Variants in DNAJC1 observed in about 807,000 individuals in gnomAD.
DNAJC1 encodes the protein dnaJ homolog subfamily C member 1.
Under a neutral mutation model 76.6 loss-of-function variants are expected in DNAJC1, and 58 were observed. The observed-to-expected ratio is 0.76, with a 90% CI of 0.61 to 0.94. The LOEUF (loss-of-function observed/expected upper bound fraction) is 0.94. Ranked by LOEUF, DNAJC1 falls within the 40% of genes least tolerant of loss-of-function variation. DNAJC1 has a pLI of 0.00. For synonymous variants in DNAJC1, 258 were observed against 267.9 expected, an observed-to-expected ratio of 0.96 and a Z score of 0.36; for missense variants, 689 against 677.3, an observed-to-expected ratio of 1.02 and a Z score of -0.19.
chr10:21,947,572 C>T (rs956303238), intron 1 of DNAJC1, among the ~76,000 whole-genome samples: 3 of 152,078 alleles, frequency 2.0e-5, no homozygotes, highest in East Asian at 1.9e-4. Flanking sequence ...ATACATATAA[C>T]GTGTTAATTG....
chr10:21,890,601 G>A (rs1465324611), intron 7 of DNAJC1, among the ~76,000 whole-genome samples: 1 of 151,936 alleles, frequency 6.6e-6, no homozygotes, highest in East Asian at 1.9e-4. Flanking sequence ...AGGCAAGCAG[G>A]AATATCTATA....
intron 1 of DNAJC1, chr10:21,933,515 A>G (rs1837259350): frequency 6.6e-6 from 1 of 152,212 alleles, no homozygotes; most frequent in South Asian, 2.1e-4. Flanking sequence ...AGACTTGAGA[A>G]GGCTCTAAGT....
At chr10:21,964,780 G>A (rs1249223456) in intron 1 of DNAJC1, among the ~76,000 whole-genome samples, 19 of 150,894 alleles carry the variant, frequency 1.3e-4, no homozygotes, top group Admixed American at 1.3e-3. Flanking sequence ...TTTCTTGAAA[G>A]GCAGCTTCAC....
At chr10:21,928,653 G>T in intron 2 of DNAJC1, 101 bp from the exon 3 acceptor site, 2 of 880,428 alleles carry the variant, frequency 2.3e-6, no homozygotes, top group Non-Finnish European at 3.8e-6. Flanking sequence ...AATCCTATGT[G>T]CCTATATATA....
At chr10:21,838,732 G>A (rs1288552585) in intron 8 of DNAJC1, among the ~76,000 whole-genome samples, 1 of 152,148 alleles carries the variant, frequency 6.6e-6, no homozygotes, top group Non-Finnish European at 1.5e-5. Context: ...ATTGAACTCA[G>A]CTCTTCAACA....
Position 21,929,027 on chromosome 10 carries a change from A to G in DNAJC1, c.324+13T>C, listed in dbSNP as rs1340210012. ...TGTCACAAAATATATATATAATAGCATATTTCACTTACTTGTCTAAACTGA... is the reference window on the plus strand; with the variant it reads ...TGTCACAAAATATATATATAATAGCGTATTTCACTTACTTGTCTAAACTGA... On this transcript the variant is annotated intron_variant, in intron 2 of 11. Coordinates refer to ENST00000376980, the MANE Select transcript of DNAJC1 (RefSeq NM_022365.4). 12 of 1,501,228 alleles carry G rather than the reference A, an allele frequency of 8.0e-6. No homozygotes were observed. The highest frequency in any genetic ancestry group is 1.0e-5 in the Non-Finnish European group (11 of 1,086,432). 93.0% of individuals were successfully genotyped at this position (1,501,228 alleles called of 1,614,324 possible).
chr10:21,949,273 A>T (rs1837553746), intron 1 of DNAJC1, among the ~76,000 whole-genome samples: 1 of 152,118 alleles, frequency 6.6e-6, no homozygotes, highest in African/African-American at 2.4e-5. Flanking sequence ...GGTATAGTTT[A>T]TCGTTCTCTG....
intron 3 of DNAJC1, among the ~76,000 whole-genome samples, chr10:21,927,500 T>C (rs1564829698): frequency 6.6e-6 from 1 of 152,236 alleles, no homozygotes; most frequent in African/African-American, 2.4e-5. Context: ...TTTTGTTTTT[T>C]ACAGGTACTC....
intron 1 of DNAJC1, among the ~76,000 whole-genome samples, chr10:21,937,782 G>T (rs1331281855): frequency 1.3e-5 from 2 of 151,418 alleles, no homozygotes; most frequent in African/African-American, 2.5e-5. Flanking sequence ...CAACCATAAT[G>T]AAATGAAATC....
chr10:21,796,705 G>GT (rs1834754069), intron 9 of DNAJC1, among the ~76,000 whole-genome samples: 1 of 152,138 alleles, frequency 6.6e-6, no homozygotes, highest in African/African-American at 2.4e-5. Context: ...GATTAGAGAT[G>GT]TTGAGCACCT....
chr10:21,851,717 T>C (rs145125269), intron 8 of DNAJC1, among the ~76,000 whole-genome samples: 108 of 152,080 alleles, frequency 7.1e-4, no homozygotes, highest in Non-Finnish European at 1.3e-3. Context: ...ACGTAAAAGG[T>C]AGAAACAGCC....
At chr10:21,914,374 C>T (rs992551167) in intron 6 of DNAJC1, among the ~76,000 whole-genome samples, 2 of 152,148 alleles carry the variant, frequency 1.3e-5, no homozygotes, top group Non-Finnish European at 2.9e-5. Flanking sequence ...GGGGAACTAT[C>T]AAAGAGATAC....
At position 21,780,661 on chromosome 10, in the gene DNAJC1, T is replaced by C. The variant is rs777481702; in HGVS notation, c.1099-14352A>G. Among the ~76,000 whole-genome samples, 4 of 152,192 alleles carry C rather than the reference T, an allele frequency of 2.6e-5. No individual in the cohort carries two copies. In the South Asian group the frequency reaches 6.2e-4, roughly 24 times the overall value. ...AAAACATGCCAAACTGTAAAGACCA[T>C]TGATGCTAGGAAGAAACTGCATCAA... On this transcript the variant is annotated intron_variant, in intron 9 of 11. Transcript: ENST00000376980.
chr10:21,856,754 G>A (rs1321657784), intron 8 of DNAJC1, among the ~76,000 whole-genome samples: 6 of 148,146 alleles, frequency 4.1e-5, no homozygotes, highest in Non-Finnish European at 8.9e-5. Flanking sequence ...TTTTTTTTTT[G>A]AGACAGAGTC....
At chr10:21,936,861 C>A (rs957284126) in intron 1 of DNAJC1, among the ~76,000 whole-genome samples, 2 of 151,998 alleles carry the variant, frequency 1.3e-5, no homozygotes, top group Non-Finnish European at 1.5e-5. Flanking sequence ...AATGGAAGAA[C>A]TGGAGAACAA....
At chr10:21,906,430 T>G (rs1836746880) in intron 6 of DNAJC1, among the ~76,000 whole-genome samples, 2 of 152,156 alleles carry the variant, frequency 1.3e-5, no homozygotes, top group South Asian at 4.1e-4. Flanking sequence ...TACCTTGGTG[T>G]GAATGAATGA....
At chr10:21,882,612 A>G (rs1836300441) in intron 7 of DNAJC1, among the ~76,000 whole-genome samples, 173 bp from the exon 8 acceptor site, 1 of 152,182 alleles carries the variant, frequency 6.6e-6, no homozygotes, top group African/African-American at 2.4e-5. Flanking sequence ...TTTCTAAATA[A>G]AACTCAGAGT....
intron 6 of DNAJC1, among the ~76,000 whole-genome samples, chr10:21,911,126 G>A (rs1355789828): frequency 6.6e-6 from 1 of 151,716 alleles, no homozygotes; most frequent in Non-Finnish European, 1.5e-5. Context: ...GGCAGGCATT[G>A]ATTTACAGTG....
In DNAJC1 at chr10:21,759,586, C is replaced by A. The variant is rs1261765484; in HGVS notation, c.1180G>T (p.Val394Phe). The A allele has an allele frequency of 6.2e-7, 1 of 1,614,086 alleles. No homozygotes were observed. The highest frequency in any genetic ancestry group is 1.7e-5 in the Admixed American group (1 of 60,030). Residue 394 changes from valine to phenylalanine, a missense_variant, in exon 11 of 12, where the codon GTT becomes TTT. Transcript: ENST00000376980. ...MVRLSELKST[V>F]QNSRPIKTAT... ...GTTTTGATGGGCCTGGAATTCTGAACTGTCGATTTGAGTTCGGAGAGTCTA... is the reference window on the plus strand; with the variant it reads ...GTTTTGATGGGCCTGGAATTCTGAAATGTCGATTTGAGTTCGGAGAGTCTA...
Sources: gnomAD v4.1 joint callset for allele counts (sites outside exome capture counted in the v4.1 genomes callset) on GRCh38, gnomAD v4.1.1 for gene constraint, MANE v1.5 for transcripts, NCBI Gene and HGNC (gene_info 2026-07-23, HGNC 2026-07-21) for gene names.